Variants in TATDN1 observed in about 807,000 individuals in gnomAD.
TATDN1 encodes TatD DNase domain containing 1.
TATDN1 carries 40 observed loss-of-function variants against 46.4 expected under a neutral mutation model. The ratio of observed to expected loss-of-function variants is 0.86; its 90% CI spans 0.67 to 1.12. The LOEUF is 1.12. Ranked by LOEUF, TATDN1 falls within the 50% of genes most tolerant of loss-of-function variation. The probability of loss-of-function intolerance (pLI) is 0.00; values close to 1 mark genes in which losing one functional copy is unlikely to be tolerated. For synonymous variants in TATDN1, 95 were observed against 105.6 expected (o/e 0.90, Z 0.62); for missense variants, 326 against 348.4 (o/e 0.94, Z 0.51).
chr8:124,512,914 G>A (rs975148983), intron 6 of TATDN1, among the ~76,000 whole-genome samples: 14 of 151,920 alleles, frequency 9.2e-5, no homozygotes, highest in Admixed American at 7.2e-4. Context: ...TGTTACTAGT[G>A]TGTCTTTTTT....
intron 9 of TATDN1, among the ~76,000 whole-genome samples, chr8:124,501,110 A>ACAAGCACAGAGGAGTACAGGCGT (rs1817924216): frequency 6.6e-6 from 1 of 152,210 alleles, no homozygotes; most frequent in South Asian, 2.1e-4. Flanking sequence ...CTGGAGAACA[A>ACAAGCACAGAGGAGTACAGGCGT]CAAGCACAGA....
intron 11 of TATDN1, among the ~76,000 whole-genome samples, chr8:124,493,308 C>T (rs1317762604): frequency 1.3e-5 from 2 of 152,106 alleles, no homozygotes; most frequent in African/African-American, 4.8e-5. Flanking sequence ...GGATTATGTA[C>T]CCATTAAAAT....
At chr8:124,534,344 C>T (rs1388813435) in intron 1 of TATDN1, among the ~76,000 whole-genome samples, 2 of 152,002 alleles carry the variant, frequency 1.3e-5, no homozygotes, top group South Asian at 2.1e-4. Flanking sequence ...TTTCAGTGAC[C>T]GTAAGTTTTA....
At chr8:124,537,140 C>T (rs540481478) in intron 1 of TATDN1, among the ~76,000 whole-genome samples, 2 of 152,242 alleles carry the variant, frequency 1.3e-5, no homozygotes, top group South Asian at 4.1e-4. Flanking sequence ...ATTTTCTTAT[C>T]ACCTTAGCAC....
chr8:124,506,942 T>A (rs781207708), intron 8 of TATDN1, among the ~76,000 whole-genome samples: 1 of 151,908 alleles, frequency 6.6e-6, no homozygotes, highest in African/African-American at 2.4e-5. Context: ...GGGGGGAGGA[T>A]CATGAGGTCA....
chr8:124,518,907 G>A (rs774428108), intron 3 of TATDN1, 26 bp from the exon 4 acceptor site: 1 of 1,517,732 alleles, frequency 6.6e-7, no homozygotes, highest in Admixed American at 1.7e-5. Flanking sequence ...AATAAAATAA[G>A]CTGACTTTAA....
chr8:124,529,995 G>A (rs1181628555), intron 1 of TATDN1, among the ~76,000 whole-genome samples: 2 of 152,118 alleles, frequency 1.3e-5, no homozygotes, highest in Non-Finnish European at 2.9e-5. Context: ...GGATGCTGAG[G>A]CAGGAGAATC....
chr8:124,532,754 G>A (rs578037317), intron 1 of TATDN1, among the ~76,000 whole-genome samples: 24 of 152,346 alleles, frequency 1.6e-4, no homozygotes, highest in East Asian at 3.9e-4. Context: ...AATTCTGCTC[G>A]TTGGGCAGAT....
intron 1 of TATDN1, among the ~76,000 whole-genome samples, chr8:124,533,159 G>A (rs2131571993): frequency 6.6e-6 from 1 of 152,196 alleles, no homozygotes; most frequent in African/African-American, 2.4e-5. Context: ...GGCTGAGGCA[G>A]GAGAATGGTG....
At chr8:124,514,515 C>T (rs187445846) in intron 6 of TATDN1, among the ~76,000 whole-genome samples, 2 of 152,302 alleles carry the variant, frequency 1.3e-5, no homozygotes, top group East Asian at 3.9e-4. Flanking sequence ...AGATATTCTA[C>T]CTTATTCATA....
At chr8:124,539,088 C>A (rs527262671), upstream of TATDN1, 1 of 1,611,226 alleles carries the variant, frequency 6.2e-7, no homozygotes, top group Admixed American at 1.7e-5. Flanking sequence ...CGGAAGTGGC[C>A]GCCGGCAACT....
At chr8:124,535,235 T>G (rs1821329502) in intron 1 of TATDN1, among the ~76,000 whole-genome samples, 1 of 152,142 alleles carries the variant, frequency 6.6e-6, no homozygotes, top group Non-Finnish European at 1.5e-5. Context: ...TTCCAAGGGT[T>G]TCAGGAGTTG....
At chr8:124,528,620 A>G (rs571133457) in intron 1 of TATDN1, among the ~76,000 whole-genome samples, 188 of 152,322 alleles carry the variant, frequency 1.2e-3, no homozygotes, top group Admixed American at 3.7e-3. Context: ...TTGAGCTACA[A>G]GGCTTTTTGC....
At chr8:124,511,834 A>G (rs1386390574) in intron 6 of TATDN1, among the ~76,000 whole-genome samples, 2 of 152,182 alleles carry the variant, frequency 1.3e-5, no homozygotes, top group Admixed American at 6.5e-5. Context: ...CATACTCTGC[A>G]TGACTCATGT....
At chr8:124,533,125 G>A (rs902246237) in intron 1 of TATDN1, among the ~76,000 whole-genome samples, 11 of 151,918 alleles carry the variant, frequency 7.2e-5, no homozygotes, top group African/African-American at 1.2e-4. Context: ...GGTGGCAGGC[G>A]CCTGTAGTCC....
intron 9 of TATDN1, 130 bp downstream of exon 9, chr8:124,504,141 T>C: frequency 1.3e-6 from 1 of 757,238 alleles, no homozygotes; most frequent in Non-Finnish European, 2.1e-6. Flanking sequence ...TTACTGAAAT[T>C]CCCAGCAAAG....
Position 124,527,456 on chromosome 8 carries a change from T to G in TATDN1, c.23-4454A>C, listed in dbSNP as rs528076288. On this transcript the variant is annotated intron_variant, in intron 1 of 11. Transcript: ENST00000276692. The stretch of plus-strand genomic sequence containing the variant: ...GAGTCTGGCTGTGGTGTCAGGTGGT[T>G]GGCTGAAGTCAGCAGAGGAGTGAGT... Among the ~76,000 whole-genome samples the G allele has an allele frequency of 1.4e-4, 21 of 152,278 alleles. No individual in the cohort carries two copies. In the Middle Eastern group the frequency reaches 0.014, roughly 99 times the overall value.
chr8:124,538,827 C>A, intron 1 of TATDN1, 198 bp downstream of exon 1: 3 of 629,500 alleles, frequency 4.8e-6, no homozygotes, highest in African/African-American at 1.8e-5. Context: ...CAAATAAATA[C>A]ACCCTCGTGA....
chr8:124,534,422 G>A (rs1229115419), intron 1 of TATDN1, among the ~76,000 whole-genome samples: 1 of 152,152 alleles, frequency 6.6e-6, no homozygotes, highest in African/African-American at 2.4e-5. Context: ...GTGTGAGATA[G>A]GAAAAAATGC....
Sources: allele counts gnomAD v4.1 joint callset (sites outside exome capture counted in the v4.1 genomes callset), GRCh38; gene constraint gnomAD v4.1.1; transcripts MANE v1.5; gene names NCBI Gene and HGNC (gene_info 2026-07-23, HGNC 2026-07-21).